The following ATOSA variants were observed in gnomAD, a reference collection of about 807,000 sequenced individuals.
ATOSA encodes atos homolog A.
chr15:52,679,766 T>C, the ATOSA span, among the ~76,000 whole-genome samples: 1 of 81,156 alleles, frequency 1.2e-5, no homozygotes, highest in Non-Finnish European at 2.4e-5. Flanking sequence ...CTCCTCCTCC[T>C]CCTCCTCCTC....
chr15:52,703,159 AC>A, the ATOSA span, among the ~76,000 whole-genome samples: 1 of 152,204 alleles, frequency 6.6e-6, no homozygotes, highest in African/African-American at 2.4e-5. Flanking sequence ...AAAAGAGTAC[AC>A]ATGGTTCGAT....
chr15:52,612,115 G>C, the ATOSA span, among the ~76,000 whole-genome samples: 8 of 152,076 alleles, frequency 5.3e-5, no homozygotes, highest in Non-Finnish European at 8.8e-5. Flanking sequence ...CTCTCAAGTA[G>C]CTGGGATTAC....
At chr15:52,675,859 T>C in the ATOSA span, among the ~76,000 whole-genome samples, 2 of 150,252 alleles carry the variant, frequency 1.3e-5, no homozygotes, top group Non-Finnish European at 2.9e-5. Flanking sequence ...TGAGCGGAGA[T>C]TGCGCCACTG....
At chr15:52,692,719 G>A in the ATOSA span, among the ~76,000 whole-genome samples, 1 of 152,120 alleles carries the variant, frequency 6.6e-6, no homozygotes, top group East Asian at 1.9e-4. Flanking sequence ...GGAGTGCAGT[G>A]GCTTAATCAG....
chr15:52,697,013 C>A, the ATOSA span, among the ~76,000 whole-genome samples: 1 of 152,054 alleles, frequency 6.6e-6, no homozygotes, highest in African/African-American at 2.4e-5. Flanking sequence ...ATTTGAAAAT[C>A]CTGAGGTGTC....
At chr15:52,618,601 AGCAGGGAGTGGCTAACTCTT>A in the ATOSA span, among the ~76,000 whole-genome samples, 1 of 152,358 alleles carries the variant, frequency 6.6e-6, no homozygotes, top group South Asian at 2.1e-4. Flanking sequence ...CAAAGCTCCT[AGCAGGGAGTGGCTAACTCTT>A]GCAGTAGGAA....
the ATOSA span, among the ~76,000 whole-genome samples, chr15:52,631,072 A>C: frequency 9.2e-5 from 14 of 152,356 alleles, no homozygotes; most frequent in African/African-American, 3.4e-4. Context: ...TCTCAAGCTG[A>C]GTAGCAACTG....
the ATOSA span, among the ~76,000 whole-genome samples, chr15:52,682,236 C>T: frequency 6.6e-6 from 1 of 151,372 alleles, no homozygotes. Flanking sequence ...TATGTTGTCT[C>T]ATAATAGTAG....
At chr15:52,605,251 T>C in the ATOSA span, 1 of 1,564,122 alleles carries the variant, frequency 6.4e-7, no homozygotes, top group Non-Finnish European at 8.7e-7. Flanking sequence ...AGTCCTCTGT[T>C]AGGAAAATAA....
the ATOSA span, chr15:52,658,400 G>T: frequency 5.0e-6 from 1 of 198,690 alleles, no homozygotes; most frequent in Non-Finnish European, 1.0e-5. Flanking sequence ...TTTCTGTCAA[G>T]AGCTCTCCGT....
the ATOSA span, chr15:52,611,502 TA>T: frequency 6.8e-7 from 1 of 1,469,676 alleles, no homozygotes; most frequent in Non-Finnish European, 9.3e-7. Flanking sequence ...CATGATACAT[TA>T]AAATAATTTA....
chr15:52,590,987 C>G, the ATOSA span, among the ~76,000 whole-genome samples: 2 of 152,198 alleles, frequency 1.3e-5, no homozygotes, highest in African/African-American at 4.8e-5. Context: ...GTGTACATCT[C>G]TAGTACTTTC....
chr15:52,588,592 C>G, the ATOSA span, among the ~76,000 whole-genome samples: 1 of 152,232 alleles, frequency 6.6e-6, no homozygotes, highest in South Asian at 2.1e-4. Context: ...GAACTCACCA[C>G]CACGCCCAGC....
the ATOSA span, among the ~76,000 whole-genome samples, chr15:52,621,098 C>G: frequency 6.6e-6 from 1 of 152,120 alleles, no homozygotes; most frequent in Non-Finnish European, 1.5e-5. Context: ...TTTATACCAA[C>G]TTAAAAAAAT....
the ATOSA span, among the ~76,000 whole-genome samples, chr15:52,588,435 T>C: frequency 6.6e-6 from 1 of 151,856 alleles, no homozygotes; most frequent in Admixed American, 6.6e-5. Flanking sequence ...TGATACTTAA[T>C]TATTATTATT....
chr15:52,660,166 C>T, the ATOSA span, among the ~76,000 whole-genome samples: 3,370 of 152,174 alleles, frequency 0.022, 136 homozygotes, highest in African/African-American at 0.078. Flanking sequence ...AAGCAACAGG[C>T]GCTTAATTTT....
the ATOSA span, among the ~76,000 whole-genome samples, chr15:52,684,733 C>G: frequency 6.6e-6 from 1 of 151,424 alleles, no homozygotes; most frequent in South Asian, 2.1e-4. Context: ...TTCTTTTTTT[C>G]AAATTTTTAA....
chr15:52,665,539 A>C, the ATOSA span, among the ~76,000 whole-genome samples: 1 of 152,124 alleles, frequency 6.6e-6, no homozygotes, highest in Non-Finnish European at 1.5e-5. Context: ...TTGGTGACCA[A>C]AAATTGGCAC....
chr15:52,698,414 A>G, the ATOSA span, among the ~76,000 whole-genome samples: 1 of 152,240 alleles, frequency 6.6e-6, no homozygotes, highest in Non-Finnish European at 1.5e-5. Context: ...TATACTTAAA[A>G]GAAATTAGTG....
Sources: gnomAD v4.1 joint callset for allele counts (sites outside exome capture counted in the v4.1 genomes callset) on GRCh38, gnomAD v4.1.1 for gene constraint, MANE v1.5 for transcripts, NCBI Gene and HGNC (gene_info 2026-07-23, HGNC 2026-07-21) for gene names.